C4orf50: variants seen among roughly 807,000 people sequenced by gnomAD.
C4orf50 encodes the protein chromosome 4 open reading frame 50, also known as uncharacterized protein C4orf50.
In C4orf50, 80 loss-of-function variants were observed where a neutral mutation model predicts 77.2. The ratio of observed to expected loss-of-function variants is 1.04; its 90% confidence interval spans 0.87 to 1.25. C4orf50 has a LOEUF of 1.25. C4orf50 is among the 50% of genes most tolerant of loss of function. The pLI is 0.00. For synonymous variants in C4orf50, 532 were observed against 465.3 expected (o/e 1.14, Z -1.84); for missense variants, 1,257 against 1,152.9 (o/e 1.09, Z -1.31).
At position 5,961,931 on chromosome 4, in the gene C4orf50, C is replaced by T. The variant is rs80175602; in HGVS notation, c.4276-2305G>A. On this transcript the variant is annotated intron_variant, in intron 33 of 33. Transcript: ENST00000531445. Reference sequence around the variant, plus strand: ...CATTTTCCTTGTAGGTCACTAATCCCCTGGTGTCATTATTTAACAAGTTTG... The same window carrying T: ...CATTTTCCTTGTAGGTCACTAATCCTCTGGTGTCATTATTTAACAAGTTTG... Among the ~76,000 whole-genome samples, 191 of 152,290 alleles carry T rather than the reference C, an allele frequency of 1.3e-3. 3 individuals are homozygous for T. In the East Asian group the frequency reaches 0.035, roughly 28 times the overall value.
intron 25 of C4orf50, among the ~76,000 whole-genome samples, chr4:5,999,968 G>T (rs1176336133): frequency 1.3e-5 from 2 of 152,130 alleles, no homozygotes; most frequent in East Asian, 3.8e-4. Context: ...GTGGCATATG[G>T]GGGACTGAGC....
intron 31 of C4orf50, among the ~76,000 whole-genome samples, chr4:5,971,364 C>A (rs1490551138): frequency 6.6e-6 from 1 of 152,240 alleles, no homozygotes; most frequent in African/African-American, 2.4e-5. Flanking sequence ...AAGATGCAGA[C>A]ACCCTGCCGG....
At chr4:5,922,219 A>G (rs1412371628) in intron 7 of C4orf50, among the ~76,000 whole-genome samples, 1 of 152,214 alleles carries the variant, frequency 6.6e-6, no homozygotes. Context: ...GCCGGGGCCC[A>G]CTGCGATGCA....
exon 28 of C4orf50, chr4:5,989,094 C>T (rs1255916946): frequency 6.5e-7 from 1 of 1,535,942 alleles, no homozygotes; most frequent in African/African-American, 1.4e-5. Context: ...GAGAGATGTC[C>T]CCTACCAGCC....
intron 32 of C4orf50, among the ~76,000 whole-genome samples, chr4:5,965,928 T>C (rs1032720096): frequency 2.1e-4 from 32 of 152,202 alleles, no homozygotes; most frequent in South Asian, 4.2e-4. Flanking sequence ...GATGAACAGA[T>C]CTCAATAGCA....
rs1019602961 is a variant in C4orf50, at chr4:5,970,179, G to T, written c.4105-2717C>A. Among the ~76,000 whole-genome samples, 4 of 151,958 alleles carry T rather than the reference G, an allele frequency of 2.6e-5. No homozygotes were observed. The highest frequency in any genetic ancestry group is 9.7e-5 in the African/African-American group (4 of 41,386). On this transcript the variant is annotated intron_variant, in intron 31 of 33. Coordinates refer to ENST00000531445, the Ensembl canonical transcript of C4orf50. The surrounding 1 kb of genome is among the most constrained non-coding windows in gnomAD (Gnocchi z 4.3). ...AAAAAAAAGGCCCACTGGGGCTAGG[G>T]GTCGGGGGGCATAGAGAGGAAGCAA...
At position 5,982,549 on chromosome 4, in the gene C4orf50, C is replaced by G. The variant is rs186130849; in HGVS notation, c.3700-2211G>C. On this transcript the variant is annotated intron_variant, in intron 28 of 33. Coordinates refer to ENST00000531445, the Ensembl canonical transcript of C4orf50. The stretch of plus-strand genomic sequence containing the variant: ...AGGCTGTGATGACCTGAAGGGGGCA[C>G]TGAACAGAGACATCATCCAGTTGGG... 3.3e-5 allele frequency among the ~76,000 whole-genome samples: 5 copies of G among 152,268 alleles called. No individual in the cohort carries two copies. The East Asian group carries it at 9.7e-4, about 29-fold the overall frequency.
chr4:5,967,582 T>C, intron 31 of C4orf50, 120 bp from the exon 10 acceptor site: 1 of 813,794 alleles, frequency 1.2e-6, no homozygotes, highest in Non-Finnish European at 2.1e-6. Flanking sequence ...CCGCTTTCTG[T>C]GTAGGACCAA....
At chr4:5,934,069 A>G (rs1371535904) in intron 7 of C4orf50, among the ~76,000 whole-genome samples, 1 of 151,968 alleles carries the variant, frequency 6.6e-6, no homozygotes, top group East Asian at 1.9e-4. Context: ...TTAAGGACAC[A>G]GGCTTAGACA....
intron 7 of C4orf50, among the ~76,000 whole-genome samples, chr4:5,920,967 GGCAGGA>G (rs6148285): frequency 0.41 from 62,242 of 151,588 alleles, 15,611 homozygotes; most frequent in East Asian, 0.81. Flanking sequence ...TTCCAGGAGT[GGCAGGA>G]GCAGTGGACA....
exon 28 of C4orf50, chr4:5,989,954 T>C: frequency 7.1e-7 from 1 of 1,416,864 alleles, no homozygotes; most frequent in Non-Finnish European, 9.2e-7. Context: ...CTAGCTGTCC[T>C]CCCAGTGGCT....
At chr4:5,964,927 G>C in intron 33 of C4orf50, 97 bp downstream of exon 11, 1 of 1,171,678 alleles carries the variant, frequency 8.5e-7, no homozygotes, top group Non-Finnish European at 1.2e-6. Flanking sequence ...GTGGCTTTCT[G>C]GGTGTATATC....
intron 7 of C4orf50, among the ~76,000 whole-genome samples, chr4:5,921,201 G>A (rs996899121): frequency 3.3e-5 from 5 of 152,206 alleles, no homozygotes; most frequent in South Asian, 2.1e-4. Context: ...GGGGATGTGC[G>A]GTTGCCTGTG....
chr4:6,004,282 GAT>G (rs1722098917), intron 25 of C4orf50, among the ~76,000 whole-genome samples: 6 of 81,210 alleles, frequency 7.4e-5, no homozygotes, highest in Admixed American at 1.3e-4. Flanking sequence ...TGGTGATGGT[GAT>G]GTTGGTGATG....
At chr4:5,943,137 G>A (rs565696394) in intron 7 of C4orf50, among the ~76,000 whole-genome samples, 22 of 152,152 alleles carry the variant, frequency 1.4e-4, no homozygotes, top group Non-Finnish European at 2.5e-4. Context: ...AGCCAGAATC[G>A]ATGCTCAATA....
intron 28 of C4orf50, among the ~76,000 whole-genome samples, chr4:5,987,612 G>A (rs1720948061): frequency 6.6e-6 from 1 of 151,522 alleles, no homozygotes; most frequent in Non-Finnish European, 1.5e-5. Flanking sequence ...AAGGAAGGCA[G>A]GAGGGGGAGA....
chr4:5,995,283 A>G (rs528421485), intron 25 of C4orf50, among the ~76,000 whole-genome samples: 1 of 152,072 alleles, frequency 6.6e-6, no homozygotes, highest in African/African-American at 2.4e-5. Flanking sequence ...GTGTCTGCCC[A>G]GGGGGTTTGG....
chr4:5,989,975 C>T, exon 28 of C4orf50: 1 of 1,409,804 alleles, frequency 7.1e-7, no homozygotes, highest in South Asian at 1.7e-5. Context: ...CTGACTTTCC[C>T]TGCGAGGAGC....
At chr4:5,973,443 C>G (rs1720047320) in intron 31 of C4orf50, among the ~76,000 whole-genome samples, 1 of 152,216 alleles carries the variant, frequency 6.6e-6, no homozygotes, top group African/African-American at 2.4e-5. Context: ...ATTTCCTGAG[C>G]ACCATAAAGG....
Sources: gnomAD v4.1 joint callset for allele counts (sites outside exome capture counted in the v4.1 genomes callset) on GRCh38, gnomAD v4.1.1 for gene constraint, Gnocchi (gnomAD v3.1) non-coding constraint, MANE v1.5 for transcripts, NCBI Gene and HGNC (gene_info 2026-07-23, HGNC 2026-07-21) for gene names.